PHF12: variants seen among roughly 807,000 people sequenced by gnomAD.
PHF12 encodes the protein PHD factor 1.
A neutral mutation model predicts 99.8 loss-of-function variants in PHF12; 6 were observed. That is an observed-to-expected ratio of 0.06 (90% CI 0.03 to 0.12). The LOEUF is 0.12. Ranked by LOEUF, PHF12 falls within the 10% of genes least tolerant of loss-of-function variation. PHF12 has a pLI of 1.00. For missense variants in PHF12, 954 were observed against 1,300.1 expected (o/e 0.73, Z 4.09); for synonymous variants, 480 against 514.9 (o/e 0.93, Z 0.92).
Position 28,950,530 on chromosome 17 carries a change from G to A in PHF12, c.67-284C>T. ...TTCCCTTCTTGCCACTTCCTTGTATGGACAGTGGGGGACTCCAAAGACCCG... is the reference window on the plus strand; with the variant it reads ...TTCCCTTCTTGCCACTTCCTTGTATAGACAGTGGGGGACTCCAAAGACCCG... On this transcript the variant is annotated intron_variant, in intron 1 of 14. Transcript: ENST00000332830. This position sits in a 1 kb window ranked among gnomAD's most constrained non-coding sequence, Gnocchi z 5.7. 2 of 535,608 alleles carry A rather than the reference G, an allele frequency of 3.7e-6. No individual in the cohort carries two copies. The highest frequency in any genetic ancestry group is 6.6e-6 in the Non-Finnish European group (2 of 301,746). 33.2% of individuals were successfully genotyped at this position (535,608 alleles called of 1,614,324 possible).
intron 11 of PHF12, 179 bp from the exon 12 acceptor site, chr17:28,909,060 C>T: frequency 1.6e-6 from 1 of 616,002 alleles, no homozygotes; most frequent in Non-Finnish European, 2.9e-6. Context: ...TCTCCCCACC[C>T]ACAGCATTTC....
intron 11 of PHF12, 44 bp downstream of exon 11, chr17:28,910,182 G>C: frequency 6.2e-7 from 1 of 1,613,858 alleles, no homozygotes; most frequent in Non-Finnish European, 8.5e-7. Flanking sequence ...CGCACACGTA[G>C]AGGGGAGATC....
Position 28,906,077 on chromosome 17 carries a change from G to C in PHF12, c.*106C>G, listed in dbSNP as rs971403234. On this transcript the variant is annotated 3_prime_UTR_variant, in exon 15 of 15. Transcript: ENST00000332830. This position sits in a 1 kb window ranked among gnomAD's most constrained non-coding sequence, Gnocchi z 4.2. ...TTTCATGCAAAGATTGTAGTTGAAG[G>C]GTTTCTGGTAGAGTATAGAAAACAC... 5.6e-6 allele frequency: 6 copies of C among 1,062,960 alleles called. No homozygotes were observed. The African/African-American group carries it at 8.0e-5, about 14-fold the overall frequency. The allele number at this position is 1,062,960 out of a possible 1,614,324, so 65.8% of individuals were successfully genotyped here. A position where few individuals can be genotyped will look rare whatever the true frequency, so the allele number is the denominator to read the frequency against.
In PHF12 at chr17:28,950,346, T is replaced by G; in HGVS notation, c.67-100A>C. 7.7e-7 allele frequency: 1 copy of G among 1,296,328 alleles called. No homozygotes were observed. The allele number at this position is 1,296,328 out of a possible 1,614,324, so 80.3% of individuals were successfully genotyped here. A position where few individuals can be genotyped will look rare whatever the true frequency, so the allele number is the denominator to read the frequency against. Reference sequence around the variant, plus strand: ...CTCCGTCACCCACCCCTCTCCCCCCTTTTGTCCTTCTTCCTCCCATCCAGG... The same window carrying G: ...CTCCGTCACCCACCCCTCTCCCCCCGTTTGTCCTTCTTCCTCCCATCCAGG... On this transcript the variant is annotated intron_variant, in intron 1 of 14. Coordinates refer to ENST00000332830, the MANE Select transcript of PHF12 (RefSeq NM_001033561.2). The surrounding 1 kb of genome is among the most constrained non-coding windows in gnomAD (Gnocchi z 5.7).
At chr17:28,910,158 G>A in intron 11 of PHF12, 68 bp downstream of exon 11, 1 of 1,603,302 alleles carries the variant, frequency 6.2e-7, no homozygotes, top group Non-Finnish European at 8.5e-7. Context: ...CTCCATGGAG[G>A]CAAGGTGACC....
intron 2 of PHF12, among the ~76,000 whole-genome samples, chr17:28,937,481 C>T (rs2040531115): frequency 6.6e-6 from 1 of 152,154 alleles, no homozygotes; most frequent in South Asian, 2.1e-4. Context: ...AGAGTGTTAA[C>T]AAGGAAACAA....
intron 2 of PHF12, 37 bp from the exon 3 acceptor site, chr17:28,927,100 G>C (rs1324134524): frequency 6.4e-7 from 1 of 1,567,632 alleles, no homozygotes; most frequent in South Asian, 1.1e-5. Context: ...TAAATAACTA[G>C]CCCTTTGAGG....
chr17:28,920,721 C>T (rs2040147498), intron 5 of PHF12, among the ~76,000 whole-genome samples: 1 of 152,028 alleles, frequency 6.6e-6, no homozygotes, highest in Admixed American at 6.5e-5. Context: ...TGCCACCACA[C>T]CCAGCTAATT....
rs997327338 is a variant in PHF12 at position 28,950,771 on chromosome 17, G to A, written c.66+124C>T. The stretch of plus-strand genomic sequence containing the variant: ...TTGCAAAGAGGGGAGGGAGAGGCTA[G>A]GTGAGGAAGAATCCCCCTCCCTCGG... On this transcript the variant is annotated intron_variant, in intron 1 of 14. Coordinates refer to ENST00000332830, the MANE Select transcript of PHF12 (RefSeq NM_001033561.2). This position sits in a 1 kb window ranked among gnomAD's most constrained non-coding sequence, Gnocchi z 5.7. 13 of 1,388,078 alleles carry A rather than the reference G, an allele frequency of 9.4e-6. No homozygotes were observed. The highest frequency in any genetic ancestry group is 1.9e-4 in the Middle Eastern group (1 of 5,232). 86.0% of individuals were successfully genotyped at this position (1,388,078 alleles called of 1,614,324 possible).
At position 28,906,209 on chromosome 17, in the gene PHF12, CA is replaced by C. The variant is rs759815894; in HGVS notation, c.2988del (p.Val997CysfsTer58). On this transcript the variant is annotated frameshift_variant, in exon 15 of 15. Transcript: ENST00000332830. LOFTEE classifies it high-confidence loss of function. This position sits in a 1 kb window ranked among gnomAD's most constrained non-coding sequence, Gnocchi z 4.2. The part of the protein sequence containing the change: ...EKLSLKPHQG[P>X]VLRSNSVP The stretch of plus-strand genomic sequence containing the variant: ...TAAGGAACAGAGTTGGAGCGCAGCA[CA>C]GGGCCCTGGTGGGGCTTGAGAGAGA... 6.2e-7 allele frequency: 1 copy of C among 1,605,622 alleles called. No homozygotes were observed. The highest frequency in any genetic ancestry group is 8.5e-7 in the Non-Finnish European group (1 of 1,173,946).
Position 28,950,350 on chromosome 17 carries a change from G to C in PHF12, c.67-104C>G, listed in dbSNP as rs965897504. On this transcript the variant is annotated intron_variant, in intron 1 of 14. Coordinates refer to ENST00000332830, the MANE Select transcript of PHF12 (RefSeq NM_001033561.2). The surrounding 1 kb of genome is among the most constrained non-coding windows in gnomAD (Gnocchi z 5.7). ...GTCACCCACCCCTCTCCCCCCTTTT[G>C]TCCTTCTTCCTCCCATCCAGGCTGC... The C allele has an allele frequency of 1.6e-6, 2 of 1,283,420 alleles. No individual in the cohort carries two copies. Among genetic ancestry groups the C allele is most frequent in the African/African-American group, 3.0e-5 (2 of 66,276 alleles). 79.5% of individuals were successfully genotyped at this position (1,283,420 alleles called of 1,614,324 possible). A position where few individuals can be genotyped will look rare whatever the true frequency, so the allele number is the denominator to read the frequency against.
intron 2 of PHF12, among the ~76,000 whole-genome samples, chr17:28,936,147 G>C (rs546542143): frequency 1.3e-5 from 2 of 152,224 alleles, no homozygotes; most frequent in African/African-American, 4.8e-5. Flanking sequence ...CAGTGTGGTT[G>C]ATCTGAGTCT....
chr17:28,925,487 G>A (rs2040254745), intron 3 of PHF12: 1 of 152,334 alleles, frequency 6.6e-6, no homozygotes, highest in Non-Finnish European at 1.5e-5. Context: ...GAGTAGTGCT[G>A]GTGATGGTGG....
chr17:28,950,342 C>T lies in PHF12; in HGVS notation c.67-96G>A. ...GTTTCTCCGTCACCCACCCCTCTCC[C>T]CCCTTTTGTCCTTCTTCCTCCCATC... On this transcript the variant is annotated intron_variant, in intron 1 of 14. Coordinates refer to ENST00000332830, the MANE Select transcript of PHF12 (RefSeq NM_001033561.2). This position sits in a 1 kb window ranked among gnomAD's most constrained non-coding sequence, Gnocchi z 5.7. 6 of 1,318,678 alleles carry T rather than the reference C, an allele frequency of 4.6e-6. No homozygotes were observed. The highest frequency in any genetic ancestry group is 6.1e-6 in the Non-Finnish European group (6 of 976,360). The allele number at this position is 1,318,678 out of a possible 1,614,324, so 81.7% of individuals were successfully genotyped here. A position where few individuals can be genotyped will look rare whatever the true frequency, so the allele number is the denominator to read the frequency against.
rs371713439 is a variant in PHF12 at position 28,919,220 on chromosome 17, T to C, written c.892A>G (p.Met298Val). Residue 298 changes from methionine to valine, a missense_variant, in exon 6 of 15, where the codon ATG (methionine) becomes GTG (valine). By Grantham distance (21) the Met-to-Val change is conservative (BLOSUM62 1). Around this residue, in one of 8 missense-constraint regions of PHF12, gnomAD observed 85 missense variants for 196.6 expected, o/e 0.43. Coordinates refer to ENST00000332830, the MANE Select transcript of PHF12 (RefSeq NM_001033561.2). ...GTGAGCGGCGGCTCGAGGCAATCCA[T>C]GTGAAACAGGAGAGGGCAATAGTCA... is the stretch of plus-strand genomic sequence containing the variant. ...QCDYCPLLFHMDCLEPPLTAM... is the reference protein window; with the variant it reads ...QCDYCPLLFHVDCLEPPLTAM... 9 of 1,614,118 alleles carry C rather than the reference T, an allele frequency of 5.6e-6. No homozygotes were observed. Among genetic ancestry groups the C allele is most frequent in the Non-Finnish European group, 6.8e-6 (8 of 1,180,008 alleles).
rs567273177 is a variant in PHF12, at chr17:28,930,631, A to T, written c.249-3568T>A. Reference sequence around the variant, plus strand: ...GTACTTACTGAACCATCCCACCTCTACTCATTTTAATCTTCTTTAAACAAT... The same window carrying T: ...GTACTTACTGAACCATCCCACCTCTTCTCATTTTAATCTTCTTTAAACAAT... On this transcript the variant is annotated intron_variant, in intron 2 of 14. Transcript: ENST00000332830. Among the ~76,000 whole-genome samples the T allele has an allele frequency of 3.9e-5, 6 of 152,216 alleles. No homozygotes were observed. The South Asian group carries it at 6.2e-4, about 16-fold the overall frequency.
Position 28,905,978 on chromosome 17 carries a change from T to A in PHF12, c.*205A>T, listed in dbSNP as rs1028453390. The A allele has an allele frequency of 1.8e-6, 1 of 559,284 alleles. No homozygotes were observed. Among genetic ancestry groups the A allele is most frequent in the Admixed American group, 3.6e-5 (1 of 28,036 alleles). The allele number at this position is 559,284 out of a possible 1,614,324, so 34.6% of individuals were successfully genotyped here. A position where few individuals can be genotyped will look rare whatever the true frequency, so the allele number is the denominator to read the frequency against. ...TTTCCCATGAAATGTTGAGTACAAA[T>A]ATATGTGCAAATGCCCCCTAGAACT... On this transcript the variant is annotated 3_prime_UTR_variant, in exon 15 of 15. Coordinates refer to ENST00000332830, the MANE Select transcript of PHF12 (RefSeq NM_001033561.2).
chr17:28,950,612 C>T lies in PHF12; in HGVS notation c.66+283G>A. Reference sequence around the variant, plus strand: ...CGTGCTGGGGGAAGCACAAAGGGGCCAACAAGAAGGGGGTGGGGAGGCCTG... The same window carrying T: ...CGTGCTGGGGGAAGCACAAAGGGGCTAACAAGAAGGGGGTGGGGAGGCCTG... On this transcript the variant is annotated intron_variant, in intron 1 of 14. Transcript: ENST00000332830. This position sits in a 1 kb window ranked among gnomAD's most constrained non-coding sequence, Gnocchi z 5.7. The T allele has an allele frequency of 1.9e-6, 1 of 530,206 alleles. No individual in the cohort carries two copies. The highest frequency in any genetic ancestry group is 3.3e-6 in the Non-Finnish European group (1 of 303,606). 32.8% of individuals were successfully genotyped at this position (530,206 alleles called of 1,614,324 possible).
chr17:28,919,097 C>A (rs531746230), intron 6 of PHF12, 46 bp downstream of exon 6: 6 of 1,588,160 alleles, frequency 3.8e-6, no homozygotes, highest in Non-Finnish European at 5.2e-6. Flanking sequence ...TCAGTCCACG[C>A]TCCAGCTATG....
Sources: allele counts gnomAD v4.1 joint callset (sites outside exome capture counted in the v4.1 genomes callset), GRCh38; gene constraint gnomAD v4.1.1; regional missense constraint gnomAD v4.1.1; non-coding constraint Gnocchi (gnomAD v3.1); transcripts MANE v1.5; gene names NCBI Gene and HGNC (gene_info 2026-07-23, HGNC 2026-07-21).